The following RALGPS1 variants were observed in gnomAD, a reference collection of about 807,000 sequenced individuals.
RALGPS1 encodes Ral GEF with PH domain and SH3 binding motif 1.
Under a neutral mutation model 78.8 loss-of-function variants are expected in RALGPS1, and 19 were observed. The observed-to-expected ratio is 0.24, with a 90% CI of 0.17 to 0.35. The LOEUF (loss-of-function observed/expected upper bound fraction) is 0.35. RALGPS1 is among the 10% of genes least tolerant of loss of function. The probability of loss-of-function intolerance (pLI) is 1.00; values close to 1 mark genes in which losing one functional copy is unlikely to be tolerated. For synonymous variants in RALGPS1, 228 were observed against 256.3 expected, an observed-to-expected ratio of 0.89 and a Z score of 1.06; for missense variants, 454 against 688.3, an observed-to-expected ratio of 0.66 and a Z score of 3.81.
chr9:127,194,952 A>C, intron 11 of RALGPS1, 139 bp from the exon 12 acceptor site: 1 of 978,968 alleles, frequency 1.0e-6, no homozygotes. Context: ...AGCTCATATG[A>C]ACCTTGCCCC....
At chr9:127,082,296 C>G (rs2051254706) in intron 8 of RALGPS1, among the ~76,000 whole-genome samples, 1 of 152,180 alleles carries the variant, frequency 6.6e-6, no homozygotes, top group South Asian at 2.1e-4. Context: ...GGAGCTGCAG[C>G]CTGGCAAAGG....
At chr9:127,018,565 G>T (rs576754703) in intron 4 of RALGPS1, among the ~76,000 whole-genome samples, 2 of 151,738 alleles carry the variant, frequency 1.3e-5, no homozygotes, top group Non-Finnish European at 2.9e-5. Flanking sequence ...CCTGGGAGGC[G>T]GAGGTTGCAG....
At chr9:127,143,876 G>A (rs1240232345) in intron 8 of RALGPS1, among the ~76,000 whole-genome samples, 1 of 152,220 alleles carries the variant, frequency 6.6e-6, no homozygotes, top group Non-Finnish European at 1.5e-5. Flanking sequence ...AGTCCTCGTT[G>A]GAGAATGTCT....
intron 7 of RALGPS1, among the ~76,000 whole-genome samples, chr9:127,062,615 A>T (rs1456709589): frequency 6.6e-6 from 1 of 152,212 alleles, no homozygotes; most frequent in Non-Finnish European, 1.5e-5. Context: ...CCATGGTGAT[A>T]ATCAGTAGCA....
intron 8 of RALGPS1, among the ~76,000 whole-genome samples, chr9:127,095,903 T>G (rs1268436220): frequency 2.0e-5 from 3 of 152,200 alleles, no homozygotes; most frequent in African/African-American, 7.2e-5. Flanking sequence ...GCAGGGGCTG[T>G]CTTGCTCATT....
At chr9:126,990,053 C>A (rs75624947) in intron 4 of RALGPS1, 2 of 1,539,898 alleles carry the variant, frequency 1.3e-6, no homozygotes, top group Non-Finnish European at 8.8e-7. Context: ...AAGAAGCGGG[C>A]GTTCCAGAAA....
chr9:127,209,815 TCAC>T (rs2062141195), intron 14 of RALGPS1, among the ~76,000 whole-genome samples: 1 of 152,122 alleles, frequency 6.6e-6, no homozygotes, highest in Non-Finnish European at 1.5e-5. Context: ...GGTACTGATG[TCAC>T]AGAGCAACGG....
In RALGPS1 at chr9:127,091,529, G is replaced by A; in HGVS notation, c.610+22173G>A. 8.7e-7 allele frequency: 1 copy of A among 1,147,974 alleles called. No individual in the cohort carries two copies. Among genetic ancestry groups the A allele is most frequent in the Non-Finnish European group, 1.2e-6 (1 of 811,666 alleles). 71.1% of individuals were successfully genotyped at this position (1,147,974 alleles called of 1,614,324 possible). ...GGGCAGGAGAAGGGACCCTCAGGGGGTGGTAACAGGGTCAGGCAGCTTGGC... is the reference window on the plus strand; with the variant it reads ...GGGCAGGAGAAGGGACCCTCAGGGGATGGTAACAGGGTCAGGCAGCTTGGC... On this transcript the variant is annotated intron_variant, in intron 8 of 18. Transcript: ENST00000259351. The surrounding 1 kb of genome is among the most constrained non-coding windows in gnomAD (Gnocchi z 4.3).
intron 2 of RALGPS1, among the ~76,000 whole-genome samples, chr9:126,963,333 A>T (rs994019239): frequency 6.6e-6 from 1 of 151,994 alleles, no homozygotes; most frequent in African/African-American, 2.4e-5. Context: ...TCTGGTCTGT[A>T]TGTGTATATA....
chr9:127,214,839 T>A lies in RALGPS1; in HGVS notation c.1641T>A (p.Pro547=). The change falls in exon 18 of 19, where the codon CCT becomes CCA. Residue 547 remains proline, a synonymous_variant. Transcript: ENST00000259351. The stretch of plus-strand genomic sequence containing the variant: ...ATGATGCATGTAAAAGCAACAGGCC[T>A]CAGGTAAAGTCATCAAAATCCTGCT... ...HLDDACKSNR[P]QVPANLMSFE 6.2e-7 allele frequency: 1 copy of A among 1,613,300 alleles called. No individual in the cohort carries two copies. Among genetic ancestry groups the A allele is most frequent in the Non-Finnish European group, 8.5e-7 (1 of 1,179,696 alleles).
At chr9:127,066,566 A>T (rs1253201586) in intron 7 of RALGPS1, among the ~76,000 whole-genome samples, 1 of 152,172 alleles carries the variant, frequency 6.6e-6, no homozygotes, top group East Asian at 1.9e-4. Flanking sequence ...GCTTGAACCC[A>T]GGAGTCAGGG....
intron 8 of RALGPS1, among the ~76,000 whole-genome samples, chr9:127,106,762 C>T: frequency 6.6e-6 from 1 of 152,228 alleles, no homozygotes; most frequent in Non-Finnish European, 1.5e-5. Flanking sequence ...CTGCACTGGC[C>T]ACCCTCCTGC....
chr9:127,000,419 T>C (rs539371422), intron 4 of RALGPS1, among the ~76,000 whole-genome samples: 1 of 152,208 alleles, frequency 6.6e-6, no homozygotes, highest in East Asian at 1.9e-4. Flanking sequence ...TCAAATGCTT[T>C]CTAATTTTCC....
chr9:127,102,067 A>T (rs779553521), intron 8 of RALGPS1, among the ~76,000 whole-genome samples: 1 of 152,012 alleles, frequency 6.6e-6, no homozygotes, highest in African/African-American at 2.4e-5. Flanking sequence ...TGATGCGGGG[A>T]TAGTAGGAAA....
chr9:126,970,823 A>G (rs1240868404), intron 3 of RALGPS1, among the ~76,000 whole-genome samples: 2 of 152,232 alleles, frequency 1.3e-5, no homozygotes, highest in Non-Finnish European at 2.9e-5. Context: ...AATCTCATTC[A>G]GAGTTATTGT....
chr9:127,133,243 C>T (rs987247839), intron 8 of RALGPS1, among the ~76,000 whole-genome samples: 18 of 152,212 alleles, frequency 1.2e-4, no homozygotes, highest in East Asian at 3.8e-4. Context: ...CTGCCCTGCC[C>T]GGTGCCCCGG....
Position 126,976,317 on chromosome 9 carries a change from A to T in RALGPS1, c.166-1378A>T, listed in dbSNP as rs1053175988. On this transcript the variant is annotated intron_variant, in intron 3 of 18. Transcript: ENST00000259351. The stretch of plus-strand genomic sequence containing the variant: ...CCTTACACTCAACACTCATTCTCAC[A>T]CACACACACACACACTTTCATATAC... Among the ~76,000 whole-genome samples the T allele has an allele frequency of 1.0e-4, 15 of 149,288 alleles. No individual in the cohort carries two copies. In the East Asian group the frequency reaches 1.2e-3, roughly 12 times the overall value.
intron 8 of RALGPS1, among the ~76,000 whole-genome samples, chr9:127,084,670 G>A (rs1167770873): frequency 2.6e-5 from 4 of 152,216 alleles, no homozygotes; most frequent in Admixed American, 2.6e-4. Context: ...GTGGGGACAC[G>A]TGAAGGACAG....
chr9:127,121,042 A>C (rs2056027780), intron 8 of RALGPS1, among the ~76,000 whole-genome samples: 1 of 152,128 alleles, frequency 6.6e-6, no homozygotes, highest in Admixed American at 6.5e-5. Context: ...CACTGGGTTC[A>C]AGTCCTGGTC....
Sources: gnomAD v4.1 joint callset for allele counts (sites outside exome capture counted in the v4.1 genomes callset) on GRCh38, gnomAD v4.1.1 for gene constraint, Gnocchi (gnomAD v3.1) non-coding constraint, MANE v1.5 for transcripts, NCBI Gene and HGNC (gene_info 2026-07-23, HGNC 2026-07-21) for gene names.